The following ITPR2 variants were observed in gnomAD, a reference collection of about 807,000 sequenced individuals.
ITPR2 encodes the protein inositol 1,4,5-trisphosphate-gated calcium channel ITPR2.
ITPR2 carries 207 observed loss-of-function variants against 317.1 expected under a neutral mutation model. The observed-to-expected ratio is 0.65, with a 90% CI of 0.58 to 0.73. The LOEUF (loss-of-function observed/expected upper bound fraction) is 0.73, where lower values mean the gene tolerates loss of function less well. Among genes scored for constraint, ITPR2 ranks in the 30% least tolerant of loss-of-function variants. ITPR2 has a pLI of 0.00. For missense variants in ITPR2, 2,613 were observed against 3,284.0 expected (o/e 0.80, Z 4.99); for synonymous variants, 1,156 against 1,149.1 (o/e 1.01, Z -0.12).
intron 21 of ITPR2, 77 bp from the exon 22 acceptor site, chr12:26,632,136 A>G (rs1434260806): frequency 1.7e-6 from 2 of 1,157,076 alleles, no homozygotes; most frequent in East Asian, 2.6e-5. Context: ...GTTAGTCACA[A>G]CCACACTGAA....
chr12:26,463,307 A>G (rs993420957), intron 45 of ITPR2, among the ~76,000 whole-genome samples: 2 of 152,170 alleles, frequency 1.3e-5, no homozygotes, highest in Non-Finnish European at 2.9e-5. Flanking sequence ...TTGTCTCTGC[A>G]TTATTCTGTT....
intron 26 of ITPR2, among the ~76,000 whole-genome samples, chr12:26,609,043 A>C (rs1231977282): frequency 6.6e-6 from 1 of 152,196 alleles, no homozygotes; most frequent in African/African-American, 2.4e-5. Flanking sequence ...AAGCTCCCCT[A>C]GTCACAATAG....
At chr12:26,489,226 T>C (rs767987084) in intron 39 of ITPR2, among the ~76,000 whole-genome samples, 9 of 152,102 alleles carry the variant, frequency 5.9e-5, no homozygotes, top group East Asian at 1.9e-4. Context: ...ATTAGCTGCA[T>C]AGAGTGTAAG....
At chr12:26,734,366 C>A (rs1439299143) in intron 2 of ITPR2, among the ~76,000 whole-genome samples, 1 of 152,056 alleles carries the variant, frequency 6.6e-6, no homozygotes, top group African/African-American at 2.4e-5. Flanking sequence ...TTTCAAATTC[C>A]CAGATTCCTT....
intron 45 of ITPR2, among the ~76,000 whole-genome samples, chr12:26,461,410 T>G (rs1419109022): frequency 1.3e-5 from 2 of 151,898 alleles, no homozygotes; most frequent in Non-Finnish European, 2.9e-5. Context: ...AAATAAAGAT[T>G]TATTTGAACA....
intron 37 of ITPR2, among the ~76,000 whole-genome samples, chr12:26,535,197 T>C (rs995959833): frequency 1.3e-5 from 2 of 152,176 alleles, no homozygotes; most frequent in Non-Finnish European, 2.9e-5. Flanking sequence ...TGAGCAATAA[T>C]TGGAACAATT....
chr12:26,478,555 G>A (rs1424873161), intron 43 of ITPR2, among the ~76,000 whole-genome samples: 4 of 152,048 alleles, frequency 2.6e-5, no homozygotes, highest in Middle Eastern at 6.8e-3. Context: ...ATTTCAGAAC[G>A]CTATTGGCAA....
At chr12:26,350,800 T>C (rs190378953) in intron 55 of ITPR2, among the ~76,000 whole-genome samples, 1 of 152,246 alleles carries the variant, frequency 6.6e-6, no homozygotes, top group East Asian at 1.9e-4. Context: ...AGAGGCTGCA[T>C]AAAGAAGTGC....
intron 5 of ITPR2, among the ~76,000 whole-genome samples, chr12:26,721,787 A>T (rs545517007): frequency 1.2e-3 from 175 of 150,982 alleles, no homozygotes; most frequent in African/African-American, 3.3e-3. Flanking sequence ...CATTAAAAAA[A>T]TTTTTTTTTT....
intron 23 of ITPR2, among the ~76,000 whole-genome samples, chr12:26,626,875 C>G (rs916792031): frequency 2.0e-5 from 3 of 151,988 alleles, no homozygotes; most frequent in Non-Finnish European, 4.4e-5. Flanking sequence ...CCTATTCTCA[C>G]GAAAAGAATT....
intron 37 of ITPR2, among the ~76,000 whole-genome samples, chr12:26,512,822 T>A (rs1943387222): frequency 1.4e-5 from 1 of 73,060 alleles, no homozygotes; most frequent in South Asian, 4.2e-4. Context: ...AGGGAAACAA[T>A]TTTTTTTTTT....
chr12:26,671,514 C>T (rs1474132521), intron 13 of ITPR2, among the ~76,000 whole-genome samples: 1 of 151,972 alleles, frequency 6.6e-6, no homozygotes, highest in African/African-American at 2.4e-5. Context: ...GATTTTGTCA[C>T]CACCAGGCCT....
intron 45 of ITPR2, among the ~76,000 whole-genome samples, chr12:26,444,726 TA>T (rs1208401437): frequency 4.9e-5 from 6 of 123,016 alleles, no homozygotes; most frequent in Non-Finnish European, 1.0e-4. Flanking sequence ...CAATTATTAT[TA>T]TAATCATGGA....
intron 46 of ITPR2, among the ~76,000 whole-genome samples, chr12:26,441,848 C>T (rs1040199268): frequency 9.9e-5 from 15 of 152,206 alleles, no homozygotes; most frequent in African/African-American, 3.4e-4. Context: ...TTTTCCACAC[C>T]ATTTTCCTAA....
chr12:26,472,048 T>A (rs1942301753), intron 45 of ITPR2, among the ~76,000 whole-genome samples: 1 of 152,198 alleles, frequency 6.6e-6, no homozygotes, highest in African/African-American at 2.4e-5. Context: ...TGCAGAAAGA[T>A]CAGCAGAGCA....
chr12:26,493,516 T>C (rs1022606527), intron 39 of ITPR2, among the ~76,000 whole-genome samples: 2 of 152,190 alleles, frequency 1.3e-5, no homozygotes, highest in African/African-American at 4.8e-5. Flanking sequence ...AGGGTGGCCA[T>C]AATTAACCAT....
At chr12:26,460,740 A>C (rs1941999981) in intron 45 of ITPR2, among the ~76,000 whole-genome samples, 1 of 152,188 alleles carries the variant, frequency 6.6e-6, no homozygotes, top group Non-Finnish European at 1.5e-5. Flanking sequence ...GGGTCCCGGA[A>C]TTTGATGCAC....
intron 34 of ITPR2, among the ~76,000 whole-genome samples, chr12:26,571,882 G>C (rs1250817583): frequency 1.3e-5 from 2 of 152,154 alleles, no homozygotes; most frequent in African/African-American, 2.4e-5. Flanking sequence ...GTACAACTAA[G>C]AAAAAGAATG....
At chr12:26,691,923 T>C (rs1948248557) in intron 10 of ITPR2, among the ~76,000 whole-genome samples, 1 of 152,084 alleles carries the variant, frequency 6.6e-6, no homozygotes, top group African/African-American at 2.4e-5. Context: ...ACACTGCCAT[T>C]TACAGCTGCA....
Sources: gnomAD v4.1 joint callset for allele counts (sites outside exome capture counted in the v4.1 genomes callset) on GRCh38, gnomAD v4.1.1 for gene constraint, MANE v1.5 for transcripts, NCBI Gene and HGNC (gene_info 2026-07-23, HGNC 2026-07-21) for gene names.